AXL: variants seen among roughly 807,000 people sequenced by gnomAD.
The protein encoded by AXL is tyrosine-protein kinase receptor UFO.
In AXL, 52 loss-of-function variants were observed where a neutral mutation model predicts 104.5. That is an observed-to-expected ratio of 0.50 (90% CI 0.40 to 0.63). The LOEUF (loss-of-function observed/expected upper bound fraction) is 0.63, where lower values mean the gene tolerates loss of function less well. AXL is among the 20% of genes least tolerant of loss of function. The pLI is 0.00. For synonymous variants in AXL, 455 were observed against 473.7 expected (o/e 0.96, Z 0.51); for missense variants, 1,024 against 1,188.5 (o/e 0.86, Z 2.04).
At chr19:41,228,825 A>G (rs2033927226) in intron 4 of AXL, among the ~76,000 whole-genome samples, 1 of 152,194 alleles carries the variant, frequency 6.6e-6, no homozygotes, top group South Asian at 2.1e-4. Context: ...GTAACAGGTA[A>G]AGTATGTTGG....
At chr19:41,220,545 GGCC>G (rs2033770664) in intron 1 of AXL, 88 bp from the exon 2 acceptor site, 1 of 1,175,758 alleles carries the variant, frequency 8.5e-7, no homozygotes, top group Admixed American at 2.5e-5. Flanking sequence ...GCGGGGTCCT[GGCC>G]GCCGGTGGGC....
chr19:41,255,321 TTTTC>T (rs914594981), intron 17 of AXL, among the ~76,000 whole-genome samples: 40 of 151,886 alleles, frequency 2.6e-4, no homozygotes, highest in South Asian at 2.1e-4. Flanking sequence ...TTTTTCTTTC[TTTTC>T]TTTCTTTTTC....
intron 12 of AXL, chr19:41,243,918 C>T: frequency 2.0e-6 from 1 of 508,276 alleles, no homozygotes. Context: ...ATCTTAGAAA[C>T]ACCAAGGCTG....
At chr19:41,235,287 G>T (rs972399579) in intron 6 of AXL, among the ~76,000 whole-genome samples, 3 of 152,016 alleles carry the variant, frequency 2.0e-5, no homozygotes, top group African/African-American at 7.3e-5. Context: ...GGAGGCGGAG[G>T]TTGCAGTGAG....
chr19:41,220,076 C>G (rs2033759645), intron 1 of AXL, among the ~76,000 whole-genome samples: 1 of 151,952 alleles, frequency 6.6e-6, no homozygotes, highest in Admixed American at 6.6e-5. Context: ...GAGTCTCTCT[C>G]TCTCTTCTCA....
chr19:41,224,662 G>A (rs1367562960), intron 4 of AXL, among the ~76,000 whole-genome samples: 1 of 152,112 alleles, frequency 6.6e-6, no homozygotes, highest in East Asian at 1.9e-4. Flanking sequence ...GGGATTTACA[G>A]GCGTGAGCCA....
intron 6 of AXL, among the ~76,000 whole-genome samples, chr19:41,232,260 A>G (rs542560343): frequency 3.9e-5 from 6 of 152,210 alleles, no homozygotes; most frequent in Non-Finnish European, 7.3e-5. Flanking sequence ...AATATTCGCT[A>G]GAAGGATATA....
At chr19:41,252,755 T>C in intron 15 of AXL, 91 bp from the exon 16 acceptor site, 10 of 1,582,454 alleles carry the variant, frequency 6.3e-6, no homozygotes, top group Non-Finnish European at 8.6e-6. Context: ...ATTGGATGGG[T>C]AGTGAGAAGG....
Position 41,256,630 on chromosome 19 carries a change from A to G in AXL, c.2196+19A>G, listed in dbSNP as rs373499918. 26 of 1,608,858 alleles carry G rather than the reference A, an allele frequency of 1.6e-5. No individual in the cohort carries two copies. Among genetic ancestry groups the G allele is most frequent in the Non-Finnish European group, 2.0e-5 (24 of 1,175,600 alleles). On this transcript the variant is annotated intron_variant, in intron 18 of 19. Transcript: ENST00000301178. ...CGATGTGGTAGGTGCACTCCCGCCA[A>G]GAGTGGGGAACCATGGGAGGGCATG...
In AXL at chr19:41,260,027, T is replaced by C; in HGVS notation, c.*123T>C. On this transcript the variant is annotated 3_prime_UTR_variant, in exon 20 of 20. Transcript: ENST00000301178. The stretch of plus-strand genomic sequence containing the variant: ...CCACTTGCAGCCCTGTCTTCCTACC[T>C]ATCCCACCTCCATCCCAGACAGGTC... 1 of 871,984 alleles carries C rather than the reference T, an allele frequency of 1.1e-6. No individual in the cohort carries two copies. Among genetic ancestry groups the C allele is most frequent in the East Asian group, 2.7e-5 (1 of 36,640 alleles). 54.0% of individuals were successfully genotyped at this position (871,984 alleles called of 1,614,324 possible). A position where few individuals can be genotyped will look rare whatever the true frequency, so the allele number is the denominator to read the frequency against.
At chr19:41,233,349 T>C (rs67033402) in intron 6 of AXL, among the ~76,000 whole-genome samples, 77,162 of 151,348 alleles carry the variant, frequency 0.51, 20,603 homozygotes, top group African/African-American at 0.67. Context: ...ACTTACATGC[T>C]CTGAGCACAA....
chr19:41,233,346 T>G (rs2034025259), intron 6 of AXL, among the ~76,000 whole-genome samples: 1 of 149,364 alleles, frequency 6.7e-6, no homozygotes, highest in Non-Finnish European at 1.5e-5. Flanking sequence ...TATACTTACA[T>G]GCTCTGAGCA....
At chr19:41,254,524 A>T (rs889789854) in intron 17 of AXL, among the ~76,000 whole-genome samples, 3 of 152,062 alleles carry the variant, frequency 2.0e-5, no homozygotes, top group Non-Finnish European at 2.9e-5. Flanking sequence ...CCATCTCAAA[A>T]AAAAAGAAAA....
At chr19:41,256,953 G>A (rs2034462297) in intron 18 of AXL, among the ~76,000 whole-genome samples, 1 of 152,248 alleles carries the variant, frequency 6.6e-6, no homozygotes, top group South Asian at 2.1e-4. Context: ...TGTCCATGAA[G>A]TGTGTATATG....
At chr19:41,252,318 C>T in intron 14 of AXL, 33 bp from the exon 15 acceptor site, 1 of 1,580,558 alleles carries the variant, frequency 6.3e-7, no homozygotes, top group Non-Finnish European at 8.7e-7. Flanking sequence ...CCTCTCCTCC[C>T]CTCCTCCTCA....
chr19:41,255,859 T>G (rs2034444678), intron 17 of AXL, among the ~76,000 whole-genome samples: 1 of 152,168 alleles, frequency 6.6e-6, no homozygotes, highest in Admixed American at 6.5e-5. Context: ...ATTCTCTTGC[T>G]TCAGCCTCCC....
chr19:41,226,710 A>AGGGT, intron 4 of AXL: 4 of 982,062 alleles, frequency 4.1e-6, no homozygotes, highest in South Asian at 4.7e-5. Flanking sequence ...AGATACACGC[A>AGGGT]GGGTCACAAA....
chr19:41,246,760 G>A (rs1016552437), intron 12 of AXL, among the ~76,000 whole-genome samples: 2 of 152,018 alleles, frequency 1.3e-5, no homozygotes, highest in Non-Finnish European at 2.9e-5. Flanking sequence ...TGGCTATGTT[G>A]CCCAGGCTGA....
intron 19 of AXL, among the ~76,000 whole-genome samples, chr19:41,258,127 A>C (rs1005845238): frequency 6.6e-6 from 1 of 152,206 alleles, no homozygotes; most frequent in African/African-American, 2.4e-5. Flanking sequence ...GCAATATTGG[A>C]GTATGCGGAG....
Sources: allele counts gnomAD v4.1 joint callset (sites outside exome capture counted in the v4.1 genomes callset), GRCh38; gene constraint gnomAD v4.1.1; transcripts MANE v1.5; gene names NCBI Gene and HGNC (gene_info 2026-07-23, HGNC 2026-07-21).